METTL22: variants seen among roughly 807,000 people sequenced by gnomAD.
METTL22 encodes the protein methyltransferase-like protein 22.
In METTL22, 51 loss-of-function variants were observed where a neutral mutation model predicts 48.4. The ratio of observed to expected loss-of-function variants is 1.05; its 90% CI spans 0.84 to 1.33. METTL22 has a LOEUF of 1.33. METTL22 is among the 40% of genes most tolerant of loss of function. METTL22 has a pLI of 0.00. For missense variants in METTL22, 678 were observed against 526.9 expected, an observed-to-expected ratio of 1.29 and a Z score of -2.81; for synonymous variants, 255 against 214.1, an observed-to-expected ratio of 1.19 and a Z score of -1.67.
chr16:8,661,241 C>T, the METTL22 span, among the ~76,000 whole-genome samples: 5 of 151,838 alleles, frequency 3.3e-5, no homozygotes, highest in African/African-American at 9.7e-5. Flanking sequence ...CAGTGACTCT[C>T]GGGGGACCCT....
chr16:8,644,404 T>G (rs1175449765), intron 9 of METTL22, 153 bp from the exon 10 acceptor site: 1 of 677,624 alleles, frequency 1.5e-6, no homozygotes, highest in African/African-American at 1.8e-5. Context: ...AGGAAGGAAT[T>G]GCACTCACAC....
At chr16:8,642,637 C>G (rs2056659921) in intron 9 of METTL22, 72 bp downstream of exon 9, 3 of 1,397,312 alleles carry the variant, frequency 2.1e-6, no homozygotes, top group Middle Eastern at 1.8e-4. Flanking sequence ...TAATTGTGTC[C>G]TTGTCAGTGT....
chr16:8,658,968 A>C, the METTL22 span, among the ~76,000 whole-genome samples: 1 of 145,984 alleles, frequency 6.9e-6, no homozygotes, highest in Non-Finnish European at 1.5e-5. Flanking sequence ...CAAACCACCC[A>C]CCCAGCCCCT....
chr16:8,635,500 C>T (rs1400544012), intron 5 of METTL22, among the ~76,000 whole-genome samples, 188 bp downstream of exon 5: 1 of 152,206 alleles, frequency 6.6e-6, no homozygotes, highest in African/African-American at 2.4e-5. Flanking sequence ...CAGCAATACC[C>T]ACTCAGCAGC....
chr16:8,623,025 C>G (rs74460169), intron 1 of METTL22, among the ~76,000 whole-genome samples: 1 of 152,052 alleles, frequency 6.6e-6, no homozygotes, highest in Non-Finnish European at 1.5e-5. Flanking sequence ...AACAAAATTG[C>G]GCTATAGGCC....
At chr16:8,659,104 G>T in the METTL22 span, among the ~76,000 whole-genome samples, 1 of 152,110 alleles carries the variant, frequency 6.6e-6, no homozygotes, top group Non-Finnish European at 1.5e-5. Context: ...GCCAAGGTGG[G>T]CAGATAACTT....
the METTL22 span, among the ~76,000 whole-genome samples, chr16:8,660,304 G>A: frequency 6.6e-6 from 1 of 152,000 alleles, no homozygotes; most frequent in Non-Finnish European, 1.5e-5. Context: ...AGCCTCCCAA[G>A]CTGGAACTAC....
intron 6 of METTL22, 171 bp downstream of exon 6, chr16:8,639,333 A>T: frequency 1.5e-6 from 1 of 646,084 alleles, no homozygotes; most frequent in Non-Finnish European, 2.8e-6. Context: ...AGCATTGAGG[A>T]CGCTCCTTGG....
rs2056846970 is a variant in METTL22 at position 8,648,712 on chromosome 16, A to G, written c.*2569A>G. ...CAAGGTGAGAGGATTGCTTGAGCCT[A>G]AGAATTTGAGGCTGCAGTGAGCCAT... On this transcript the variant is annotated 3_prime_UTR_variant, in exon 11 of 11. Transcript: ENST00000381920. 6.6e-6 allele frequency: 1 copy of G among 152,124 alleles called. No homozygotes were observed. Among genetic ancestry groups the G allele is most frequent in the Non-Finnish European group, 1.5e-5 (1 of 68,098 alleles). The allele number at this position is 152,124 out of a possible 1,614,324, so 9.4% of individuals were successfully genotyped here.
intron 3 of METTL22, among the ~76,000 whole-genome samples, chr16:8,630,340 A>G (rs558161362): frequency 3.3e-5 from 5 of 152,264 alleles, no homozygotes; most frequent in African/African-American, 9.6e-5. Flanking sequence ...GCCTCTGCAG[A>G]TAGGGATGAG....
At chr16:8,638,711 G>T (rs957947496) in intron 5 of METTL22, among the ~76,000 whole-genome samples, 1 of 152,194 alleles carries the variant, frequency 6.6e-6, no homozygotes, top group Non-Finnish European at 1.5e-5. Flanking sequence ...CTCAATAGCT[G>T]CATGACTTTG....
chr16:8,639,455 A>G lies in METTL22; in HGVS notation c.772+293A>G, dbSNP rs186654272. On this transcript the variant is annotated intron_variant, in intron 6 of 10. Coordinates refer to ENST00000381920, the MANE Select transcript of METTL22 (RefSeq NM_024109.4). ...CCCCAGCTCCTTAGTTGACCCGTCC[A>G]AGATGTCCTCATGAAACATCCAGAG... The G allele has an allele frequency of 2.6e-4, 123 of 465,060 alleles. No homozygotes were observed. The East Asian group carries it at 4.2e-3, about 16-fold the overall frequency. 28.8% of individuals were successfully genotyped at this position (465,060 alleles called of 1,614,324 possible).
chr16:8,655,967 A>C, the METTL22 span, among the ~76,000 whole-genome samples: 1 of 152,244 alleles, frequency 6.6e-6, no homozygotes, highest in Non-Finnish European at 1.5e-5. Context: ...AAGACTCACC[A>C]CCATGCCCTC....
At chr16:8,656,500 G>C in the METTL22 span, among the ~76,000 whole-genome samples, 9 of 152,216 alleles carry the variant, frequency 5.9e-5, no homozygotes, top group African/African-American at 2.2e-4. Flanking sequence ...GGGACACAGG[G>C]ATTCTAATGT....
rs2056024959 is a variant in METTL22, at chr16:8,625,733, A to G, written c.68A>G (p.Asp23Gly). The G allele has an allele frequency of 6.2e-7, 1 of 1,614,110 alleles. No homozygotes were observed. Among genetic ancestry groups the G allele is most frequent in the Admixed American group, 1.7e-5 (1 of 60,006 alleles). Residue 23 changes from aspartate (D) to glycine (G), a missense_variant, in exon 2 of 11, where the codon GAT (aspartate) becomes GGT (glycine). By Grantham distance (94) the Asp-to-Gly change is moderately conservative. Coordinates refer to ENST00000381920, the MANE Select transcript of METTL22 (RefSeq NM_024109.4). ...VTFRSDTVLS[D>G]VHLYTPNHRH... The stretch of plus-strand genomic sequence containing the variant: ...TTTAGGAGCGACACTGTGCTGTCAG[A>G]TGTCCACCTCTATACCCCGAACCAT...
chr16:8,628,536 G>C (rs1012174390), intron 2 of METTL22, among the ~76,000 whole-genome samples, 194 bp from the exon 3 acceptor site: 1 of 152,102 alleles, frequency 6.6e-6, no homozygotes, highest in East Asian at 1.9e-4. Flanking sequence ...GGCTGCTCTT[G>C]GTGGTGGCCC....
At chr16:8,651,086 T>C (rs1225613112), downstream of METTL22, among the ~76,000 whole-genome samples, 2 of 151,738 alleles carry the variant, frequency 1.3e-5, no homozygotes, top group East Asian at 3.9e-4. Flanking sequence ...ACAGAATTAT[T>C]GTAAAGATCA....
intron 5 of METTL22, among the ~76,000 whole-genome samples, chr16:8,638,867 G>C (rs956032804): frequency 2.6e-5 from 4 of 152,188 alleles, no homozygotes; most frequent in Non-Finnish European, 5.9e-5. Flanking sequence ...TCTGGAATGC[G>C]CACTGTCTCT....
the METTL22 span, among the ~76,000 whole-genome samples, chr16:8,659,099 G>C: frequency 3.9e-5 from 6 of 152,228 alleles, no homozygotes; most frequent in South Asian, 1.0e-3. Flanking sequence ...GGGAGGCCAA[G>C]GTGGGCAGAT....
Sources: allele counts gnomAD v4.1 joint callset (sites outside exome capture counted in the v4.1 genomes callset), GRCh38; gene constraint gnomAD v4.1.1; transcripts MANE v1.5; gene names NCBI Gene and HGNC (gene_info 2026-07-23, HGNC 2026-07-21).